Variants in ARL5A observed in about 807,000 individuals in gnomAD.
ARL5A encodes the protein ARF like GTPase 5A.
A neutral mutation model predicts 25.9 loss-of-function variants in ARL5A; 18 were observed. That is an observed-to-expected ratio of 0.69 (90% CI 0.48 to 1.03). The LOEUF (loss-of-function observed/expected upper bound fraction) is 1.03. Among genes scored for constraint, ARL5A ranks in the 50% least tolerant of loss-of-function variants. ARL5A has a pLI of 0.00. For missense variants in ARL5A, 170 were observed against 211.9 expected, an observed-to-expected ratio of 0.80 and a Z score of 1.23; for synonymous variants, 61 against 67.5, an observed-to-expected ratio of 0.90 and a Z score of 0.47.
intron 1 of ARL5A, among the ~76,000 whole-genome samples, chr2:151,825,085 G>T (rs2099832867): frequency 6.6e-6 from 1 of 152,266 alleles, no homozygotes; most frequent in South Asian, 2.1e-4. Flanking sequence ...CTACATGAAA[G>T]CTCCATAAAG....
chr2:151,820,660 CAAAAAAAAA>C (rs71410438), intron 1 of ARL5A, among the ~76,000 whole-genome samples: 5 of 45,062 alleles, frequency 1.1e-4, no homozygotes, highest in East Asian at 8.0e-4. Flanking sequence ...ATCCTGTCTC[CAAAAAAAAA>C]AAAAAAAAAA....
rs909756306 is a variant in ARL5A at position 151,800,155 on chromosome 2, A to G, written c.*3121T>C. ...CGTACATTCCCAAAAATGCCTCCAGAGAAAACTAGAAAGTTGTCTATAGAT... is the reference window on the plus strand; with the variant it reads ...CGTACATTCCCAAAAATGCCTCCAGGGAAAACTAGAAAGTTGTCTATAGAT... On this transcript the variant is annotated 3_prime_UTR_variant, in exon 6 of 6. Coordinates refer to ENST00000295087, the MANE Select transcript of ARL5A (RefSeq NM_012097.4). The G allele has an allele frequency of 2.0e-5, 3 of 152,238 alleles. No individual in the cohort carries two copies. Among genetic ancestry groups the G allele is most frequent in the Non-Finnish European group, 4.4e-5 (3 of 68,058 alleles). 9.4% of individuals were successfully genotyped at this position (152,238 alleles called of 1,614,324 possible). A position where few individuals can be genotyped will look rare whatever the true frequency, so the allele number is the denominator to read the frequency against.
At position 151,828,114 on chromosome 2, in the gene ARL5A, C is replaced by T. The variant is rs200020637; in HGVS notation, c.46+17G>A. 3.9e-5 allele frequency: 63 copies of T among 1,607,528 alleles called. No individual in the cohort carries two copies. The East Asian group carries it at 4.3e-4, about 11-fold the overall frequency. ...ACCCTCTCCCCAACCCGTACGCCCG[C>T]GGACCGAGCTCCTCACCCTGGTGAT... On this transcript the variant is annotated intron_variant, in intron 1 of 5. Transcript: ENST00000295087.
rs958574679 is a variant in ARL5A at position 151,802,430 on chromosome 2, T to A, written c.*846A>T. On this transcript the variant is annotated 3_prime_UTR_variant, in exon 6 of 6. Transcript: ENST00000295087. Reference sequence around the variant, plus strand: ...AATTTATTCAGTAATTTAGATGCCATAAGAACCACTGAAAGGAATAATCTG... The same window carrying A: ...AATTTATTCAGTAATTTAGATGCCAAAAGAACCACTGAAAGGAATAATCTG... The A allele has an allele frequency of 6.6e-6, 1 of 152,092 alleles. No homozygotes were observed. The highest frequency in any genetic ancestry group is 1.5e-5 in the Non-Finnish European group (1 of 67,956). The allele number at this position is 152,092 out of a possible 1,614,324, so 9.4% of individuals were successfully genotyped here. A position where few individuals can be genotyped will look rare whatever the true frequency, so the allele number is the denominator to read the frequency against.
At chr2:151,813,346 A>G (rs2099831102) in intron 3 of ARL5A, among the ~76,000 whole-genome samples, 1 of 152,210 alleles carries the variant, frequency 6.6e-6, no homozygotes, top group Non-Finnish European at 1.5e-5. Flanking sequence ...AGGTGGCTTT[A>G]TCACTGTAAG....
chr2:151,828,106 T>C (rs1183584659), intron 1 of ARL5A, 25 bp downstream of exon 1: 3 of 1,604,368 alleles, frequency 1.9e-6, no homozygotes, highest in East Asian at 2.3e-5. Context: ...CCCCAACCCG[T>C]ACGCCCGCGG....
intron 5 of ARL5A, among the ~76,000 whole-genome samples, chr2:151,805,475 C>A (rs1242664851): frequency 6.6e-6 from 1 of 152,200 alleles, no homozygotes; most frequent in Non-Finnish European, 1.5e-5. Flanking sequence ...GCTTATTTCT[C>A]TTTTCCTCTG....
chr2:151,818,685 G>A (rs1274692408), intron 1 of ARL5A, among the ~76,000 whole-genome samples: 1 of 152,188 alleles, frequency 6.6e-6, no homozygotes, highest in Non-Finnish European at 1.5e-5. Flanking sequence ...TGGCAATTCT[G>A]CCTAACTCCA....
At chr2:151,815,258 A>G in intron 1 of ARL5A, 59 bp from the exon 2 acceptor site, 1 of 1,325,816 alleles carries the variant, frequency 7.5e-7, no homozygotes, top group Non-Finnish European at 1.1e-6. Flanking sequence ...AAGATTAATT[A>G]TAGGAAAAAA....
intron 5 of ARL5A, among the ~76,000 whole-genome samples, chr2:151,803,558 G>A (rs1460527244): frequency 1.3e-5 from 2 of 152,088 alleles, no homozygotes; most frequent in Non-Finnish European, 2.9e-5. Flanking sequence ...CTGTCACCCA[G>A]GCTGGAGTGC....
Position 151,802,970 on chromosome 2 carries a change from T to C in ARL5A, c.*306A>G, listed in dbSNP as rs1169210899. On this transcript the variant is annotated 3_prime_UTR_variant, in exon 6 of 6. Transcript: ENST00000295087. ...AGGGTTAAACTGATAATAAAGCTCT[T>C]AAAATTCAAAATGTCTTCCTCTCCC... The C allele has an allele frequency of 4.0e-6, 1 of 248,152 alleles. No individual in the cohort carries two copies. The highest frequency in any genetic ancestry group is 7.7e-6 in the Non-Finnish European group (1 of 130,338). The allele number at this position is 248,152 out of a possible 1,614,324, so 15.4% of individuals were successfully genotyped here.
chr2:151,826,743 A>T (rs1388670070), intron 1 of ARL5A, among the ~76,000 whole-genome samples: 1 of 152,270 alleles, frequency 6.6e-6, no homozygotes, highest in African/African-American at 2.4e-5. Flanking sequence ...GTTCTAGGTG[A>T]GAAAACCTAG....
In ARL5A at chr2:151,799,499, T is replaced by C. The variant is rs1185648948; in HGVS notation, c.*3777A>G. On this transcript the variant is annotated 3_prime_UTR_variant, in exon 6 of 6. Transcript: ENST00000295087. ...ACCATTCTTGGTAGTGGGAAGATAA[T>C]ACACATAAAACTTAATCCTGCCCAT... 2 of 152,184 alleles carry C rather than the reference T, an allele frequency of 1.3e-5. No individual in the cohort carries two copies. The highest frequency in any genetic ancestry group is 2.4e-5 in the African/African-American group (1 of 41,444). The allele number at this position is 152,184 out of a possible 1,614,324, so 9.4% of individuals were successfully genotyped here.
chr2:151,824,478 C>CTAATAATAATAATAATAATAATAA (rs61097162), intron 1 of ARL5A, among the ~76,000 whole-genome samples: 64 of 150,364 alleles, frequency 4.3e-4, no homozygotes, highest in Non-Finnish European at 8.1e-4. Context: ...TTTAAACTCC[C>CTAATAATAATAATAATAATAATAA]TAATAATAAT....
intron 1 of ARL5A, 123 bp from the exon 2 acceptor site, chr2:151,815,322 T>C (rs2099831354): frequency 1.4e-6 from 1 of 731,236 alleles, no homozygotes. Context: ...CATGGCACTT[T>C]ATACTTTCTC....
At chr2:151,819,221 G>T (rs754090894) in intron 1 of ARL5A, among the ~76,000 whole-genome samples, 4 of 152,110 alleles carry the variant, frequency 2.6e-5, no homozygotes, top group Non-Finnish European at 4.4e-5. Flanking sequence ...TTTCTTACAA[G>T]GGCCGTAATC....
chr2:151,804,000 A>C (rs1374452957), intron 5 of ARL5A, among the ~76,000 whole-genome samples: 2 of 152,214 alleles, frequency 1.3e-5, no homozygotes, highest in Non-Finnish European at 2.9e-5. Context: ...ATGATGAAAT[A>C]TTTAAAATTT....
At chr2:151,808,999 GAT>G (rs2099830478) in intron 4 of ARL5A, among the ~76,000 whole-genome samples, 2 of 152,224 alleles carry the variant, frequency 1.3e-5, no homozygotes, top group Non-Finnish European at 2.9e-5. Context: ...AGCGAGCAAA[GAT>G]AGCGCCACTG....
chr2:151,809,813 C>A (rs2099830588), intron 4 of ARL5A, among the ~76,000 whole-genome samples: 1 of 152,104 alleles, frequency 6.6e-6, no homozygotes, highest in Admixed American at 6.6e-5. Flanking sequence ...GGGGACTGGG[C>A]GCTCACGCCT....
Sources: allele counts gnomAD v4.1 joint callset (sites outside exome capture counted in the v4.1 genomes callset), GRCh38; gene constraint gnomAD v4.1.1; transcripts MANE v1.5; gene names NCBI Gene and HGNC (gene_info 2026-07-23, HGNC 2026-07-21).